ZNF207: variants seen among roughly 807,000 people sequenced by gnomAD.
ZNF207 encodes the protein zinc finger protein 207, also known as BUB3-interacting and GLEBS motif-containing protein ZNF207.
ZNF207 carries 24 observed loss-of-function variants against 60.2 expected under a neutral mutation model. The observed-to-expected ratio is 0.40, with a 90% CI of 0.29 to 0.56. The LOEUF is 0.56. Among genes scored for constraint, ZNF207 ranks in the 20% least tolerant of loss-of-function variants. The pLI is 0.49. For synonymous variants in ZNF207, 236 were observed against 194.7 expected, an observed-to-expected ratio of 1.21 and a Z score of -1.77; for missense variants, 452 against 636.6, an observed-to-expected ratio of 0.71 and a Z score of 3.12.
At position 32,362,137 on chromosome 17, in the gene ZNF207, T is replaced by A. The variant is rs919228796; in HGVS notation, c.599+622T>A. On this transcript the variant is annotated intron_variant, in intron 6 of 11. Transcript: ENST00000394670. ...CCTTTCTCTAAAAAAAAAAAGTGTG[T>A]GTGTGTGTGTGTGTGTGTGTATATG... 4.8e-3 allele frequency among the ~76,000 whole-genome samples: 719 copies of A among 150,096 alleles called. 7 individuals carry two copies. The highest frequency in any genetic ancestry group is 0.016 in the African/African-American group (632 of 40,252).
rs1238138109 is a variant in ZNF207, at chr17:32,380,227, A to G, written c.*10468A>G. Reference sequence around the variant, plus strand: ...TTAACTTGAAGTGCATGTAATAGTGATGAGAGTAAGTAGCCAAATTTCCGT... The same window carrying G: ...TTAACTTGAAGTGCATGTAATAGTGGTGAGAGTAAGTAGCCAAATTTCCGT... On this transcript the variant is annotated 3_prime_UTR_variant, in exon 12 of 12. Transcript: ENST00000394670. The G allele has an allele frequency of 2.6e-5, 4 of 152,630 alleles. No homozygotes were observed. Among genetic ancestry groups the G allele is most frequent in the Non-Finnish European group, 5.9e-5 (4 of 68,028 alleles). The allele number at this position is 152,630 out of a possible 1,614,324, so 9.5% of individuals were successfully genotyped here. A position where few individuals can be genotyped will look rare whatever the true frequency, so the allele number is the denominator to read the frequency against.
Position 32,352,052 on chromosome 17 carries a change from C to T in ZNF207, c.168+140C>T, listed in dbSNP as rs1000832518. 2.0e-5 allele frequency: 15 copies of T among 757,760 alleles called. No homozygotes were observed. The East Asian group carries it at 2.4e-4, about 12-fold the overall frequency. 46.9% of individuals were successfully genotyped at this position (757,760 alleles called of 1,614,324 possible). ...GTGCAATCTCGGCCCACTGCAACCT[C>T]TGCCTCTCGGGTTCAAGCTATTCTT... is the stretch of plus-strand genomic sequence containing the variant. On this transcript the variant is annotated intron_variant, in intron 2 of 11. Coordinates refer to ENST00000394670, the MANE Select transcript of ZNF207 (RefSeq NM_001098507.2).
chr17:32,359,349 G>T (rs776622405), intron 3 of ZNF207, among the ~76,000 whole-genome samples: 1 of 152,124 alleles, frequency 6.6e-6, no homozygotes, highest in Non-Finnish European at 1.5e-5. Flanking sequence ...CTGACCTCGT[G>T]ATCTGCCCGC....
In ZNF207 at chr17:32,367,771, G is replaced by C; in HGVS notation, c.922-1G>C. On this transcript the variant is annotated splice_acceptor_variant, in intron 9 of 11. Coordinates refer to ENST00000394670, the MANE Select transcript of ZNF207 (RefSeq NM_001098507.2). LOFTEE classifies it high-confidence loss of function. ...CGTTGATGAAGTATTGTATTTTACA[G>C]GCTCAGGCAGCTGTCCAAGGACCTG... 6.2e-7 allele frequency: 1 copy of C among 1,613,910 alleles called. No individual in the cohort carries two copies.
In ZNF207 at chr17:32,372,579, CA is replaced by C. The variant is rs796501523; in HGVS notation, c.*2821del. 5.6e-4 allele frequency: 85 copies of C among 152,264 alleles called. 1 individual carries two copies. The highest frequency in any genetic ancestry group is 2.0e-3 in the African/African-American group (83 of 41,556). 9.4% of individuals were successfully genotyped at this position (152,264 alleles called of 1,614,324 possible). The stretch of plus-strand genomic sequence containing the variant: ...ATTAATTGAAAGTGTTAGGCATTGG[CA>C]GATAAAACTTAAGCTCATGAGTTCC... On this transcript the variant is annotated 3_prime_UTR_variant, in exon 12 of 12. Coordinates refer to ENST00000394670, the MANE Select transcript of ZNF207 (RefSeq NM_001098507.2).
At position 32,350,182 on chromosome 17, in the gene ZNF207, G is replaced by C; in HGVS notation, c.-104G>C. The C allele has an allele frequency of 6.5e-7, 1 of 1,549,988 alleles. No individual in the cohort carries two copies. The highest frequency in any genetic ancestry group is 8.9e-7 in the Non-Finnish European group (1 of 1,124,036). ...GTCGGCCATTTTGTGTCTGCTTCCT[G>C]TGGGACGTGGTGGTAGCCGTTGGGT... is the stretch of plus-strand genomic sequence containing the variant. On this transcript the variant is annotated 5_prime_UTR_variant, in exon 1 of 12. Transcript: ENST00000394670.
At chr17:32,364,040 T>G (rs1567821823) in intron 7 of ZNF207, among the ~76,000 whole-genome samples, 1 of 138,248 alleles carries the variant, frequency 7.2e-6, no homozygotes, top group Non-Finnish European at 1.6e-5. Flanking sequence ...CTTTTCTTCT[T>G]TTTTTTTTTT....
intron 1 of ZNF207, chr17:32,351,306 T>G: frequency 2.6e-6 from 1 of 377,526 alleles, no homozygotes; most frequent in Non-Finnish European, 3.9e-6. Flanking sequence ...GGATTGTTCA[T>G]TCGAAATTAT....
rs770063145 is a variant in ZNF207, at chr17:32,350,180, C to T, written c.-106C>T. The T allele has an allele frequency of 4.4e-5, 68 of 1,547,658 alleles. No homozygotes were observed. Among genetic ancestry groups the T allele is most frequent in the Middle Eastern group, 1.7e-4 (1 of 5,918 alleles). On this transcript the variant is annotated 5_prime_UTR_variant, in exon 1 of 12. Coordinates refer to ENST00000394670, the MANE Select transcript of ZNF207 (RefSeq NM_001098507.2). ...CCGTCGGCCATTTTGTGTCTGCTTCCTGTGGGACGTGGTGGTAGCCGTTGG... is the reference window on the plus strand; with the variant it reads ...CCGTCGGCCATTTTGTGTCTGCTTCTTGTGGGACGTGGTGGTAGCCGTTGG...
At chr17:32,352,001 C>G in intron 2 of ZNF207, 89 bp downstream of exon 2, 1 of 1,343,430 alleles carries the variant, frequency 7.4e-7, no homozygotes, top group African/African-American at 1.5e-5. Flanking sequence ...GAGTTTCGGT[C>G]TTGTCGCCCA....
At chr17:32,357,658 ATT>A in intron 2 of ZNF207, among the ~76,000 whole-genome samples, 1 of 146,536 alleles carries the variant, frequency 6.8e-6, no homozygotes, top group Non-Finnish European at 1.5e-5. Context: ...TTTATTTTTT[ATT>A]TATTTTTTTT....
rs1258859152 is a variant in ZNF207 at position 32,361,385 on chromosome 17, G to C, written c.552-83G>C. 5.1e-5 allele frequency: 57 copies of C among 1,127,904 alleles called. 2 individuals are homozygous for C. The East Asian group carries it at 1.5e-3, about 29-fold the overall frequency. 69.9% of individuals were successfully genotyped at this position (1,127,904 alleles called of 1,614,324 possible). A position where few individuals can be genotyped will look rare whatever the true frequency, so the allele number is the denominator to read the frequency against. On this transcript the variant is annotated intron_variant, in intron 5 of 11. Coordinates refer to ENST00000394670, the MANE Select transcript of ZNF207 (RefSeq NM_001098507.2). ...CCATCACTTTTACTTAAATATTGTTGGATGTGAGAGGTATACAATACACTT... is the reference window on the plus strand; with the variant it reads ...CCATCACTTTTACTTAAATATTGTTCGATGTGAGAGGTATACAATACACTT...
intron 7 of ZNF207, among the ~76,000 whole-genome samples, 191 bp downstream of exon 7, chr17:32,363,175 C>T (rs1252428321): frequency 2.0e-5 from 3 of 152,150 alleles, no homozygotes; most frequent in African/African-American, 7.2e-5. Flanking sequence ...GCAACCTCTG[C>T]CTCACAGGTT....
At chr17:32,357,159 G>T (rs892933318) in intron 2 of ZNF207, among the ~76,000 whole-genome samples, 1 of 149,440 alleles carries the variant, frequency 6.7e-6, no homozygotes, top group Admixed American at 6.7e-5. Flanking sequence ...TCCTGCTTGG[G>T]TGGCAGAGTG....
At chr17:32,357,214 C>G (rs1365952825) in intron 2 of ZNF207, among the ~76,000 whole-genome samples, 1 of 149,830 alleles carries the variant, frequency 6.7e-6, no homozygotes, top group Non-Finnish European at 1.5e-5. Context: ...CCTCACGTAA[C>G]TCATTAGTTA....
In ZNF207 at chr17:32,370,409, C is replaced by T. The variant is rs1454065820; in HGVS notation, c.*650C>T. The T allele has an allele frequency of 6.6e-6, 1 of 152,618 alleles. No individual in the cohort carries two copies. Among genetic ancestry groups the T allele is most frequent in the Non-Finnish European group, 1.5e-5 (1 of 68,034 alleles). 9.5% of individuals were successfully genotyped at this position (152,618 alleles called of 1,614,324 possible). A position where few individuals can be genotyped will look rare whatever the true frequency, so the allele number is the denominator to read the frequency against. ...GAAAGGTTTGTACAGATGCATGCCA[C>T]AGTAGATGTCCACATAATAAAATTC... On this transcript the variant is annotated 3_prime_UTR_variant, in exon 12 of 12. Coordinates refer to ENST00000394670, the MANE Select transcript of ZNF207 (RefSeq NM_001098507.2).
At chr17:32,356,502 A>G (rs1904513390) in intron 2 of ZNF207, among the ~76,000 whole-genome samples, 3 of 152,210 alleles carry the variant, frequency 2.0e-5, no homozygotes, top group Non-Finnish European at 2.9e-5. Context: ...TTTGATTTGC[A>G]TGCCCCAGTT....
At chr17:32,352,469 A>G (rs551209558) in intron 2 of ZNF207, among the ~76,000 whole-genome samples, 1 of 152,328 alleles carries the variant, frequency 6.6e-6, no homozygotes, top group African/African-American at 2.4e-5. Context: ...GTACCTTACT[A>G]GGTTAGATTG....
At chr17:32,360,171 C>G (rs1051228764) in intron 3 of ZNF207, among the ~76,000 whole-genome samples, 4 of 125,140 alleles carry the variant, frequency 3.2e-5, no homozygotes, top group African/African-American at 1.2e-4. Context: ...CAAGACCTCA[C>G]CTTTACCCCC....
Sources: gnomAD v4.1 joint callset for allele counts (sites outside exome capture counted in the v4.1 genomes callset) on GRCh38, gnomAD v4.1.1 for gene constraint, MANE v1.5 for transcripts, NCBI Gene and HGNC (gene_info 2026-07-23, HGNC 2026-07-21) for gene names.